Variants in ARID4B observed in about 807,000 individuals in gnomAD.
ARID4B encodes AT-rich interactive domain-containing protein 4B.
In ARID4B, 26 loss-of-function variants were observed where a neutral mutation model predicts 147.5. That is an observed-to-expected ratio of 0.18 (90% CI 0.13 to 0.24). The LOEUF is 0.24. Ranked by LOEUF, ARID4B falls within the 10% of genes least tolerant of loss-of-function variation. The pLI is 1.00. For synonymous variants in ARID4B, 512 were observed against 507.9 expected (o/e 1.01, Z -0.11); for missense variants, 1,179 against 1,511.5 (o/e 0.78, Z 3.65).
At chr1:235,191,108 C>T (rs1665069309) in intron 19 of ARID4B, among the ~76,000 whole-genome samples, 2 of 152,212 alleles carry the variant, frequency 1.3e-5, no homozygotes, top group African/African-American at 4.8e-5. Context: ...TCATTTTATC[C>T]AGCAGAAACA....
At chr1:235,170,946 C>T (rs1663310428) in intron 23 of ARID4B, among the ~76,000 whole-genome samples, 1 of 146,942 alleles carries the variant, frequency 6.8e-6, no homozygotes, top group African/African-American at 2.5e-5. Flanking sequence ...CACACACACA[C>T]AAGTGGAAGC....
chr1:235,176,768 T>C, intron 21 of ARID4B: 1 of 458,886 alleles, frequency 2.2e-6, no homozygotes, highest in Non-Finnish European at 4.5e-6. Context: ...TCATATGGGC[T>C]CAGCAGAACC....
intron 2 of ARID4B, among the ~76,000 whole-genome samples, chr1:235,302,099 G>A (rs780722969): frequency 3.7e-5 from 5 of 134,048 alleles, no homozygotes; most frequent in Admixed American, 8.1e-5. Context: ...TTCCCAAAGT[G>A]CTGGTATTAC....
At chr1:235,262,818 T>A (rs12748957) in intron 2 of ARID4B, among the ~76,000 whole-genome samples, 70,382 of 151,530 alleles carry the variant, frequency 0.46, 16,611 homozygotes, top group South Asian at 0.6. Context: ...TAAAAAAAAA[T>A]TTTTATCATA....
chr1:235,292,615 C>A (rs374167319), intron 2 of ARID4B, among the ~76,000 whole-genome samples: 586 of 122,270 alleles, frequency 4.8e-3, no homozygotes, highest in Admixed American at 6.7e-3. Flanking sequence ...GACTGTGTCT[C>A]AAAAAAAAAA....
chr1:235,310,190 A>T (rs530685008), intron 2 of ARID4B, among the ~76,000 whole-genome samples: 25 of 152,238 alleles, frequency 1.6e-4, no homozygotes, highest in Admixed American at 9.8e-4. Context: ...AAAATAAAAA[A>T]AAAGAAACAG....
At chr1:235,236,839 T>TAC (rs1558233470) in intron 8 of ARID4B, among the ~76,000 whole-genome samples, 1 of 30,858 alleles carries the variant, frequency 3.2e-5, no homozygotes, top group African/African-American at 9.4e-5. Flanking sequence ...AAAAAATATA[T>TAC]ATATATATAT....
Position 235,257,150 on chromosome 1 carries a change from C to T in ARID4B, c.183+10G>A, listed in dbSNP as rs1670037105. ...CAACCATTAGAATTAACAATGAATA[C>T]ATGAATTACCTTTAGTGGGCCCTTT... On this transcript the variant is annotated intron_variant, in intron 4 of 23. Coordinates refer to ENST00000264183, the MANE Select transcript of ARID4B (RefSeq NM_016374.6). 1.3e-6 allele frequency: 2 copies of T among 1,589,422 alleles called. No homozygotes were observed. Among genetic ancestry groups the T allele is most frequent in the Admixed American group, 1.7e-5 (1 of 59,884 alleles).
At chr1:235,309,060 A>G (rs1242889342) in intron 2 of ARID4B, among the ~76,000 whole-genome samples, 2 of 141,100 alleles carry the variant, frequency 1.4e-5, no homozygotes, top group Non-Finnish European at 1.5e-5. Flanking sequence ...CATCCCATCT[A>G]GGAAGTGAGG....
In ARID4B at chr1:235,219,681, ATTATT is replaced by A. The variant is rs1039666239; in HGVS notation, c.1583+107_1583+111del. 14 of 839,798 alleles carry A rather than the reference ATTATT, an allele frequency of 1.7e-5. No homozygotes were observed. The African/African-American group carries it at 2.3e-4, about 14-fold the overall frequency. 52.0% of individuals were successfully genotyped at this position (839,798 alleles called of 1,614,324 possible). ...TTAATTAATAAATGCCAATCACTCT[ATTATT>A]TAATATTTTGTCAATTAATTTAGAT... is the stretch of plus-strand genomic sequence containing the variant. On this transcript the variant is annotated intron_variant, in intron 16 of 23. Coordinates refer to ENST00000264183, the MANE Select transcript of ARID4B (RefSeq NM_016374.6).
At chr1:235,209,563 G>GTTTTTTTTTTTTTTTTTTTT (rs374681138) in intron 17 of ARID4B, among the ~76,000 whole-genome samples, 3 of 137,160 alleles carry the variant, frequency 2.2e-5, no homozygotes, top group Non-Finnish European at 3.1e-5. Flanking sequence ...TTTGTTTTTT[G>GTTTTTTTTTTTTTTTTTTTT]TTTTGTTTTT....
intron 2 of ARID4B, among the ~76,000 whole-genome samples, chr1:235,283,075 C>T (rs901484662): frequency 1.1e-4 from 17 of 152,244 alleles, no homozygotes; most frequent in Admixed American, 8.5e-4. Context: ...CGCACCTGGC[C>T]GATACTACTT....
rs1255446624 is a variant in ARID4B at position 235,255,725 on chromosome 1, T to C, written c.209A>G (p.Asn70Ser). The part of the protein sequence containing the change: ...LKVGAIVEVK[N>S]LDGAYQEAVI... Reference sequence around the variant, plus strand: ...AGCTTCCTGATATGCACCATCAAGATTCTTCACTTCCACAATAGCTCCTAC... The same window carrying C: ...AGCTTCCTGATATGCACCATCAAGACTCTTCACTTCCACAATAGCTCCTAC... The change falls in exon 5 of 24, where the codon AAT (asparagine) becomes AGT (serine). Residue 70 changes from asparagine (N) to serine (S), a missense_variant. Coordinates refer to ENST00000264183, the MANE Select transcript of ARID4B (RefSeq NM_016374.6). 1 of 1,611,862 alleles carries C rather than the reference T, an allele frequency of 6.2e-7. No homozygotes were observed. The highest frequency in any genetic ancestry group is 1.3e-5 in the African/African-American group (1 of 74,816).
intron 2 of ARID4B, among the ~76,000 whole-genome samples, chr1:235,314,449 C>T (rs941625113): frequency 1.3e-5 from 2 of 152,168 alleles, no homozygotes; most frequent in African/African-American, 4.8e-5. Context: ...TTTACCCAAA[C>T]CTCAGCAGCC....
intron 2 of ARID4B, among the ~76,000 whole-genome samples, chr1:235,305,454 A>G (rs1266818068): frequency 6.6e-6 from 1 of 152,192 alleles, no homozygotes; most frequent in East Asian, 1.9e-4. Context: ...AAAACTAGAT[A>G]TCCAAGTAAA....
At chr1:235,225,996 T>C (rs1667803920) in intron 11 of ARID4B, among the ~76,000 whole-genome samples, 1 of 152,184 alleles carries the variant, frequency 6.6e-6, no homozygotes, top group Non-Finnish European at 1.5e-5. Context: ...CAAATACAAA[T>C]CTAAGGACAT....
intron 17 of ARID4B, among the ~76,000 whole-genome samples, chr1:235,200,953 C>G (rs1665873326): frequency 6.6e-6 from 1 of 152,092 alleles, no homozygotes; most frequent in Non-Finnish European, 1.5e-5. Context: ...ACCAGCCTGG[C>G]CAACATAGTG....
chr1:235,283,748 G>A lies in ARID4B; in HGVS notation c.7-22996C>T, dbSNP rs112186589. Among the ~76,000 whole-genome samples the A allele has an allele frequency of 8.4e-3, 1,277 of 152,110 alleles. 11 individuals carry two copies. Among genetic ancestry groups the A allele is most frequent in the Middle Eastern group, 0.041 (12 of 294 alleles). ...AATCCTTTATTTACTTATTTATTGA[G>A]ACAGTCTCGCTCTCCAAGACAGTCT... is the stretch of plus-strand genomic sequence containing the variant. On this transcript the variant is annotated intron_variant, in intron 2 of 23. Coordinates refer to ENST00000264183, the MANE Select transcript of ARID4B (RefSeq NM_016374.6).
chr1:235,239,501 T>C (rs938790407), intron 8 of ARID4B, among the ~76,000 whole-genome samples: 4 of 152,234 alleles, frequency 2.6e-5, no homozygotes, highest in Admixed American at 2.6e-4. Flanking sequence ...AAAAGCAGCC[T>C]AGTTATGTCC....
Sources: gnomAD v4.1 joint callset for allele counts (sites outside exome capture counted in the v4.1 genomes callset) on GRCh38, gnomAD v4.1.1 for gene constraint, MANE v1.5 for transcripts, NCBI Gene and HGNC (gene_info 2026-07-23, HGNC 2026-07-21) for gene names.